Variants in RNF14 observed in about 807,000 individuals in gnomAD.
The protein encoded by RNF14 is ring finger protein 14, also known as E3 ubiquitin-protein ligase RNF14.
RNF14 carries 26 observed loss-of-function variants against 52.6 expected under a neutral mutation model. That is an observed-to-expected ratio of 0.49 (90% CI 0.36 to 0.69). RNF14 has a LOEUF of 0.69. Among genes scored for constraint, RNF14 ranks in the 30% least tolerant of loss-of-function variants. RNF14 has a pLI of 0.00. For missense variants in RNF14, 404 were observed against 560.4 expected (o/e 0.72, Z 2.82); for synonymous variants, 194 against 202.0 (o/e 0.96, Z 0.34).
At position 141,983,521 on chromosome 5, in the gene RNF14, A is replaced by G. The variant is rs773568838; in HGVS notation, c.1205A>G (p.Lys402Arg). The G allele has an allele frequency of 3.1e-6, 5 of 1,611,994 alleles. No homozygotes were observed. The East Asian group carries it at 1.1e-4, about 36-fold the overall frequency. The change falls in exon 7 of 9, where the codon AAG becomes AGG. Residue 402 changes from lysine (K) to arginine (R), a missense_variant. Transcript: ENST00000394520. ...ESKEWLEKNS[K>R]SCPCCGTPIE... is the part of the protein sequence containing the mutation. The stretch of plus-strand genomic sequence containing the variant: ...AAGGAGTGGCTAGAGAAGAACTCAA[A>G]GAGCTGCCCATGTTGTGGAACTCCC...
intron 4 of RNF14, among the ~76,000 whole-genome samples, chr5:141,975,558 G>A (rs1754169601): frequency 6.6e-6 from 1 of 152,152 alleles, no homozygotes; most frequent in South Asian, 2.1e-4. Flanking sequence ...TTTCCTCTGG[G>A]TTATATATAC....
chr5:141,975,365 A>T (rs1376669056), intron 4 of RNF14, among the ~76,000 whole-genome samples: 1 of 152,244 alleles, frequency 6.6e-6, no homozygotes, highest in Admixed American at 6.5e-5. Context: ...AAATTGAGCT[A>T]ATGTAGTTAT....
upstream of RNF14, among the ~76,000 whole-genome samples, chr5:141,965,268 GCAGGCACCGT>G (rs909634588): frequency 4.0e-4 from 61 of 152,268 alleles, no homozygotes; most frequent in African/African-American, 1.4e-3. Flanking sequence ...GGGAACAAAT[GCAGGCACCGT>G]CAGGTCTGCT....
chr5:141,953,475 G>C (rs975641536), upstream of RNF14: 3 of 152,326 alleles, frequency 2.0e-5, no homozygotes, highest in East Asian at 5.8e-4. Flanking sequence ...GGCTCACAGG[G>C]GCTACACAGA....
Position 141,973,687 on chromosome 5 carries a change from T to G in RNF14, c.99T>G (p.Gly33=), listed in dbSNP as rs112321759. The change falls in exon 3 of 9, where the codon GGT becomes GGG. Residue 33 remains glycine, a synonymous_variant. Transcript: ENST00000394520. The part of the protein sequence containing the change: ...DEFRKAESVQ[G]GETRIYLDLP... ...TTAGAAAAGCAGAGTCTGTCCAAGG[T>G]GGAGAAACCAGGATCTATTTGGATT... 4,114 of 1,613,612 alleles carry G rather than the reference T, an allele frequency of 2.5e-3. 86 individuals carry two copies. In the African/African-American group the frequency reaches 0.049, roughly 19 times the overall value.
intron 3 of RNF14, 139 bp from the exon 4 acceptor site, chr5:141,974,665 T>G: frequency 5.3e-6 from 4 of 753,344 alleles, no homozygotes; most frequent in Non-Finnish European, 8.4e-6. Context: ...GAAGTTAAAA[T>G]TAAGAAATAG....
At chr5:141,951,457 G>T in the RNF14 span, 2 of 1,497,898 alleles carry the variant, frequency 1.3e-6, no homozygotes, top group East Asian at 2.3e-5. Flanking sequence ...GCCAGTAGGG[G>T]CCTTGAGATG....
the RNF14 span, among the ~76,000 whole-genome samples, chr5:141,949,824 C>T: frequency 1.3e-5 from 2 of 152,070 alleles, no homozygotes; most frequent in Non-Finnish European, 2.9e-5. Context: ...TAAAATGAGA[C>T]GTTGTAGGTA....
In RNF14 at chr5:141,987,965, C is replaced by T. The variant is rs1444159735; in HGVS notation, c.*175C>T. On this transcript the variant is annotated 3_prime_UTR_variant, in exon 9 of 9. Transcript: ENST00000394520. ...TACTACTGAAGAAGGTGCATTGATA[C>T]ATTTTTAAATGTAAGTTGAGAAAAA... The T allele has an allele frequency of 1.7e-6, 1 of 579,620 alleles. No individual in the cohort carries two copies. Among genetic ancestry groups the T allele is most frequent in the Non-Finnish European group, 3.0e-6 (1 of 329,004 alleles). 35.9% of individuals were successfully genotyped at this position (579,620 alleles called of 1,614,324 possible).
rs976864013 is a variant in RNF14 at position 141,990,116 on chromosome 5, T to A, written c.*2326T>A. The A allele has an allele frequency of 2.6e-5, 4 of 152,214 alleles. No homozygotes were observed. The highest frequency in any genetic ancestry group is 5.9e-5 in the Non-Finnish European group (4 of 68,032). The allele number at this position is 152,214 out of a possible 1,614,324, so 9.4% of individuals were successfully genotyped here. A position where few individuals can be genotyped will look rare whatever the true frequency, so the allele number is the denominator to read the frequency against. On this transcript the variant is annotated 3_prime_UTR_variant, in exon 9 of 9. Transcript: ENST00000394520. Reference sequence around the variant, plus strand: ...AAAGAAAATAGGGCTTATAAAGTTATACTTTTGAAGCATGAGTTATGAGCT... The same window carrying A: ...AAAGAAAATAGGGCTTATAAAGTTAAACTTTTGAAGCATGAGTTATGAGCT...
chr5:141,957,260 C>T (rs1753200626), upstream of RNF14: 4 of 1,614,074 alleles, frequency 2.5e-6, no homozygotes, highest in Admixed American at 1.7e-5. The surrounding 1 kb of genome is among the most constrained non-coding windows in gnomAD (Gnocchi z 4.3). Flanking sequence ...TCCTTCACCA[C>T]TATGAGTTCT....
intron 6 of RNF14, 76 bp downstream of exon 6, chr5:141,980,427 G>T: frequency 9.5e-7 from 1 of 1,054,294 alleles, no homozygotes; most frequent in South Asian, 1.4e-5. Flanking sequence ...AGGGCCTTAT[G>T]ACTTCATTCT....
chr5:141,984,934 G>C lies in RNF14; in HGVS notation c.1367+1G>C. ...ACCCTGGTTCACCATGTTTTAACCG[G>C]TATGTATACACAGAATTCCTCAGGC... is the stretch of plus-strand genomic sequence containing the variant. On this transcript the variant is annotated splice_donor_variant, in intron 8 of 8. Coordinates refer to ENST00000394520, the MANE Select transcript of RNF14 (RefSeq NM_004290.5). LOFTEE classifies it high-confidence loss of function. 1 of 1,613,302 alleles carries C rather than the reference G, an allele frequency of 6.2e-7. No individual in the cohort carries two copies. Among genetic ancestry groups the C allele is most frequent in the Non-Finnish European group, 8.5e-7 (1 of 1,179,418 alleles).
upstream of RNF14, chr5:141,955,348 G>T (rs764245491): frequency 6.2e-7 from 1 of 1,614,014 alleles, no homozygotes; most frequent in Non-Finnish European, 8.5e-7. This position sits in a 1 kb window ranked among gnomAD's most constrained non-coding sequence, Gnocchi z 5.5. Flanking sequence ...GCTCTCCGCC[G>T]GTGCTCCCTG....
Position 141,983,349 on chromosome 5 carries a change from A to C in RNF14, c.1064-31A>C, listed in dbSNP as rs746533277. The C allele has an allele frequency of 3.8e-6, 6 of 1,579,760 alleles. No homozygotes were observed. In the East Asian group the frequency reaches 1.3e-4, roughly 35 times the overall value. ...TTTTTGGTCAGCATTACAAAGTTAT[A>C]TAAAAGTTAATTTTCCATTTCACTT... is the stretch of plus-strand genomic sequence containing the variant. On this transcript the variant is annotated intron_variant, in intron 6 of 8. Transcript: ENST00000394520.
the RNF14 span, among the ~76,000 whole-genome samples, chr5:141,951,886 G>A: frequency 6.6e-6 from 1 of 152,250 alleles, no homozygotes; most frequent in Non-Finnish European, 1.5e-5. Context: ...TGGACTCTGA[G>A]AGATGGGGTG....
intron 8 of RNF14, 121 bp downstream of exon 8, chr5:141,985,054 C>A (rs1755114674): frequency 5.5e-6 from 5 of 907,812 alleles, no homozygotes; most frequent in South Asian, 1.9e-5. Context: ...TACATGTTTT[C>A]CCCTATAAAG....
In RNF14 at chr5:141,974,784, A is replaced by G. The variant is rs774711285; in HGVS notation, c.155-20A>G. On this transcript the variant is annotated intron_variant, in intron 3 of 8. Coordinates refer to ENST00000394520, the MANE Select transcript of RNF14 (RefSeq NM_004290.5). ...AAGTGTTGACCAACTGATCCTTTCT[A>G]ATCTTTGTTTTTGGTTCAGGCAATT... is the stretch of plus-strand genomic sequence containing the variant. 1 of 1,613,162 alleles carries G rather than the reference A, an allele frequency of 6.2e-7. No homozygotes were observed. The highest frequency in any genetic ancestry group is 8.5e-7 in the Non-Finnish European group (1 of 1,179,256).
intron 2 of RNF14, among the ~76,000 whole-genome samples, 157 bp from the exon 3 acceptor site, chr5:141,973,426 T>C (rs546806089): frequency 4.6e-5 from 7 of 152,164 alleles, no homozygotes; most frequent in African/African-American, 1.4e-4. Flanking sequence ...TTAGCAGAGA[T>C]GGGGTTTCAC....
Sources: gnomAD v4.1 joint callset for allele counts (sites outside exome capture counted in the v4.1 genomes callset) on GRCh38, gnomAD v4.1.1 for gene constraint, Gnocchi (gnomAD v3.1) non-coding constraint, MANE v1.5 for transcripts, NCBI Gene and HGNC (gene_info 2026-07-23, HGNC 2026-07-21) for gene names.